The following SETD4 variants were observed in gnomAD, a reference collection of about 807,000 sequenced individuals.
SETD4 encodes SET domain-containing protein 4.
A neutral mutation model predicts 58.3 loss-of-function variants in SETD4; 46 were observed. The ratio of observed to expected loss-of-function variants is 0.79; its 90% CI spans 0.62 to 1.01. The LOEUF is 1.01. Among genes scored for constraint, SETD4 ranks in the 50% least tolerant of loss-of-function variants. The pLI, the probability that SETD4 is intolerant of heterozygous loss-of-function variation, is 0.00. For synonymous variants in SETD4, 190 were observed against 202.6 expected, an observed-to-expected ratio of 0.94 and a Z score of 0.53; for missense variants, 490 against 523.3, an observed-to-expected ratio of 0.94 and a Z score of 0.62.
rs1265536131 is a variant in SETD4, at chr21:36,036,235, T to TGAGAC, written c.1204_1205insGTCTC (p.Asp402GlyfsTer8). The TGAGAC allele has an allele frequency of 6.2e-7, 1 of 1,608,776 alleles. No individual in the cohort carries two copies. Among genetic ancestry groups the TGAGAC allele is most frequent in the African/African-American group, 1.3e-5 (1 of 74,596 alleles). ...TTGGTTTATCAGGGCCTCTTTTTCA[T>TGAGAC]CCTTCATATGAGACACCTGAAAGTT... On this transcript the variant is annotated frameshift_variant, in exon 11 of 12. Transcript: ENST00000332131. LOFTEE classifies it high-confidence loss of function.
rs745375456 is a variant in SETD4, at chr21:36,043,900, A to G, written c.783T>C (p.Arg261=). ...TGAATACCTCTTCATGCTTTCTCCA[A>G]CGTGAAGTCGTTCTAATTTCGTAAG... is the stretch of plus-strand genomic sequence containing the variant. ...THSYEIRTTS[R]WRKHEEVFIC... is the part of the protein sequence containing the mutation. The change falls in exon 7 of 12, where the codon CGT becomes CGC. Residue 261 remains arginine (R), a synonymous_variant. Coordinates refer to ENST00000332131, the MANE Select transcript of SETD4 (RefSeq NM_017438.5). 1.2e-5 allele frequency: 19 copies of G among 1,614,094 alleles called. No homozygotes were observed. The highest frequency in any genetic ancestry group is 1.5e-5 in the Non-Finnish European group (18 of 1,180,024).
chr21:36,058,673 A>T, intron 2 of SETD4, 143 bp downstream of exon 2: 1 of 875,186 alleles, frequency 1.1e-6, no homozygotes, highest in Admixed American at 3.1e-5. Context: ...AGCCAAGATG[A>T]CACCACTGCA....
intron 2 of SETD4, among the ~76,000 whole-genome samples, chr21:36,057,638 CAAAATTCATGTGGAAATGTA>C (rs1241798546): frequency 2.0e-5 from 3 of 152,154 alleles, no homozygotes; most frequent in African/African-American, 7.2e-5. Flanking sequence ...AAGATGATCC[CAAAATTCATGTGGAAATGTA>C]AAAAGCCTAG....
chr21:36,059,944 C>T (rs1165102528), intron 1 of SETD4: 2 of 985,336 alleles, frequency 2.0e-6, no homozygotes, highest in East Asian at 2.3e-4. Context: ...CTCGCGCGAG[C>T]TGTCCACCAT....
intron 10 of SETD4, among the ~76,000 whole-genome samples, 155 bp downstream of exon 10, chr21:36,037,995 T>C (rs1294495451): frequency 6.6e-6 from 1 of 152,176 alleles, no homozygotes; most frequent in African/African-American, 2.4e-5. Flanking sequence ...AAACTCCATC[T>C]CAAAGAAAAC....
intron 3 of SETD4, among the ~76,000 whole-genome samples, chr21:36,054,031 T>C (rs1036576303): frequency 2.6e-5 from 4 of 152,116 alleles, no homozygotes; most frequent in African/African-American, 7.2e-5. Flanking sequence ...CTCTCCCAAG[T>C]GAAGACCTTG....
intron 1 of SETD4, 132 bp downstream of exon 1, chr21:36,060,215 C>T: frequency 1.3e-6 from 1 of 763,380 alleles, no homozygotes; most frequent in Non-Finnish European, 1.6e-6. Context: ...AATGCCTGCC[C>T]TGGAGGGGAC....
intron 3 of SETD4, among the ~76,000 whole-genome samples, chr21:36,055,056 A>C (rs2064918351): frequency 6.6e-6 from 1 of 152,214 alleles, no homozygotes; most frequent in Admixed American, 6.5e-5. Flanking sequence ...GTGTTAACTT[A>C]TTTCATTGAT....
At chr21:36,057,757 C>T (rs1363062330) in intron 2 of SETD4, among the ~76,000 whole-genome samples, 1 of 152,122 alleles carries the variant, frequency 6.6e-6, no homozygotes, top group African/African-American at 2.4e-5. Flanking sequence ...AAAACAGACA[C>T]AAATAGGTCA....
chr21:36,060,087 C>T, intron 1 of SETD4: 4 of 985,662 alleles, frequency 4.1e-6, no homozygotes, highest in Non-Finnish European at 4.8e-6. Flanking sequence ...AGCCATAGGC[C>T]AGCCAGGCGA....
chr21:36,036,090 G>A lies in SETD4; in HGVS notation c.*27C>T. 1.2e-6 allele frequency: 2 copies of A among 1,614,112 alleles called. No homozygotes were observed. Among genetic ancestry groups the A allele is most frequent in the Non-Finnish European group, 1.7e-6 (2 of 1,179,984 alleles). ...AATGTGTGACTAACACCCACCAGAGGAGGTGACCAAATGCGCTTCGGTGAA... is the reference window on the plus strand; with the variant it reads ...AATGTGTGACTAACACCCACCAGAGAAGGTGACCAAATGCGCTTCGGTGAA... On this transcript the variant is annotated 3_prime_UTR_variant, in exon 11 of 12. Coordinates refer to ENST00000332131, the MANE Select transcript of SETD4 (RefSeq NM_017438.5).
At chr21:36,044,515 T>C (rs1198312970) in intron 6 of SETD4, among the ~76,000 whole-genome samples, 1 of 152,202 alleles carries the variant, frequency 6.6e-6, no homozygotes, top group Non-Finnish European at 1.5e-5. Flanking sequence ...AAATCACTGC[T>C]GACGGAGTCC....
chr21:36,044,959 C>A (rs1425275361), intron 6 of SETD4, among the ~76,000 whole-genome samples: 1 of 152,160 alleles, frequency 6.6e-6, no homozygotes, highest in Non-Finnish European at 1.5e-5. Context: ...CTGGGGAAAG[C>A]GCTGGGGAGG....
At chr21:36,043,334 A>G in intron 7 of SETD4, 1 of 370,396 alleles carries the variant, frequency 2.7e-6, no homozygotes, top group Non-Finnish European at 3.8e-6. Context: ...AAATCTCACC[A>G]TGGCAACAAC....
At chr21:36,059,139 G>A in intron 1 of SETD4, 1 of 416,558 alleles carries the variant, frequency 2.4e-6, no homozygotes, top group Non-Finnish European at 4.0e-6. Flanking sequence ...TACAGTAACA[G>A]AATTCCCATT....
intron 4 of SETD4, chr21:36,050,821 G>A (rs939418541): frequency 1.2e-5 from 19 of 1,609,156 alleles, no homozygotes; most frequent in East Asian, 2.2e-5. Flanking sequence ...TCACATGGAC[G>A]GGATGTACGT....
At chr21:36,059,816 T>C (rs918396104) in intron 1 of SETD4, 70 of 985,382 alleles carry the variant, frequency 7.1e-5, no homozygotes, top group Admixed American at 1.8e-4. Flanking sequence ...AGGTTCATTA[T>C]TTGACCTAAC....
rs1206205502 is a variant in SETD4 at position 36,041,741 on chromosome 21, T to C, written c.983+66A>G. 10 of 1,176,638 alleles carry C rather than the reference T, an allele frequency of 8.5e-6. No individual in the cohort carries two copies. In the Admixed American group the frequency reaches 1.2e-4, roughly 14 times the overall value. 72.9% of individuals were successfully genotyped at this position (1,176,638 alleles called of 1,614,324 possible). On this transcript the variant is annotated intron_variant, in intron 8 of 11. Coordinates refer to ENST00000332131, the MANE Select transcript of SETD4 (RefSeq NM_017438.5). ...AGGGGTCTCACCCCCATGGAAAATTTAACCCCAGGTTTTCCATGAAAATTT... is the reference window on the plus strand; with the variant it reads ...AGGGGTCTCACCCCCATGGAAAATTCAACCCCAGGTTTTCCATGAAAATTT...
intron 5 of SETD4, among the ~76,000 whole-genome samples, chr21:36,047,834 CA>C (rs34827028): frequency 0.012 from 825 of 70,918 alleles, 4 homozygotes; most frequent in Middle Eastern, 0.024. Flanking sequence ...ACTAAAAATA[CA>C]AAAAAAAAAA....
Sources: gnomAD v4.1 joint callset for allele counts (sites outside exome capture counted in the v4.1 genomes callset) on GRCh38, gnomAD v4.1.1 for gene constraint, MANE v1.5 for transcripts, NCBI Gene and HGNC (gene_info 2026-07-23, HGNC 2026-07-21) for gene names.